The following PCDHGB2 variants were observed in gnomAD, a reference collection of about 807,000 sequenced individuals.
PCDHGB2 encodes the protein protocadherin gamma-B2.
PCDHGB2 carries 55 observed loss-of-function variants against 59.3 expected under a neutral mutation model. The observed-to-expected ratio is 0.93, with a 90% confidence interval of 0.75 to 1.16. The LOEUF is 1.16. PCDHGB2 is among the 50% of genes most tolerant of loss of function. The pLI is 0.00. For missense variants in PCDHGB2, 1,228 were observed against 1,198.5 expected, an observed-to-expected ratio of 1.02 and a Z score of -0.36; for synonymous variants, 516 against 512.0, an observed-to-expected ratio of 1.01 and a Z score of -0.11.
intron 1 of PCDHGB2, among the ~76,000 whole-genome samples, chr5:141,468,979 C>T (rs1394344696): frequency 6.7e-6 from 1 of 149,482 alleles, no homozygotes; most frequent in African/African-American, 2.5e-5. Flanking sequence ...CTTTTGACTT[C>T]CAAAATTATT....
Position 141,491,910 on chromosome 5 carries a change from G to A in PCDHGB2, c.2422-2897G>A, listed in dbSNP as rs946745903. 1.4e-5 allele frequency: 19 copies of A among 1,406,944 alleles called. No individual in the cohort carries two copies. The South Asian group carries it at 2.6e-4, about 19-fold the overall frequency. 87.2% of individuals were successfully genotyped at this position (1,406,944 alleles called of 1,614,324 possible). On this transcript the variant is annotated intron_variant, in intron 1 of 3. Transcript: ENST00000522605. This position sits in a 1 kb window ranked among gnomAD's most constrained non-coding sequence, Gnocchi z 6.9. ...GGCTCCGAGCACCGGGGGTGGTGGCGACTGTGGGCGAGGGGAGGTGGGACC... is the reference window on the plus strand; with the variant it reads ...GGCTCCGAGCACCGGGGGTGGTGGCAACTGTGGGCGAGGGGAGGTGGGACC...
At chr5:141,414,352 T>C in intron 1 of PCDHGB2, 8 of 1,613,968 alleles carry the variant, frequency 5.0e-6, no homozygotes, top group Non-Finnish European at 6.8e-6. Flanking sequence ...CATTTTGGCG[T>C]ATCTACCATT....
chr5:141,371,842 C>T (rs1768100584), intron 1 of PCDHGB2: 3 of 1,613,586 alleles, frequency 1.9e-6, no homozygotes, highest in African/African-American at 1.3e-5. Context: ...GACTTGGGAC[C>T]TAATGGCCTT....
At chr5:141,422,090 AGGCTTCTGAAATATTCCAATT>A (rs1561798894) in intron 1 of PCDHGB2, 11 of 1,611,852 alleles carry the variant, frequency 6.8e-6, no homozygotes, top group Non-Finnish European at 9.3e-6. Flanking sequence ...ATGGAAAGCA[AGGCTTCTGAAATATTCCAATT>A]GGATTCACAA....
rs2099706000 is a variant in PCDHGB2 at position 141,490,911 on chromosome 5, G to A, written c.2422-3896G>A. 1 of 1,613,722 alleles carries A rather than the reference G, an allele frequency of 6.2e-7. No individual in the cohort carries two copies. Among genetic ancestry groups the A allele is most frequent in the Non-Finnish European group, 8.5e-7 (1 of 1,179,746 alleles). Reference sequence around the variant, plus strand: ...CTCTGCATGTGTTTGTCCTAGACGAGAATGATAATGCCCCAGCTGTGCTGC... The same window carrying A: ...CTCTGCATGTGTTTGTCCTAGACGAAAATGATAATGCCCCAGCTGTGCTGC... On this transcript the variant is annotated intron_variant, in intron 1 of 3. Coordinates refer to ENST00000522605, the MANE Select transcript of PCDHGB2 (RefSeq NM_018923.3). This position sits in a 1 kb window ranked among gnomAD's most constrained non-coding sequence, Gnocchi z 5.4.
intron 1 of PCDHGB2, among the ~76,000 whole-genome samples, chr5:141,468,791 G>A (rs941787269): frequency 2.6e-5 from 4 of 151,954 alleles, no homozygotes; most frequent in East Asian, 3.9e-4. Context: ...GCGTGAACCC[G>A]GGAGGCGGAA....
intron 3 of PCDHGB2, among the ~76,000 whole-genome samples, chr5:141,508,579 G>A (rs569867127): frequency 6.6e-6 from 1 of 152,234 alleles, no homozygotes; most frequent in East Asian, 1.9e-4. Flanking sequence ...ACCCACTCGG[G>A]GTGCTACTCA....
intron 1 of PCDHGB2, among the ~76,000 whole-genome samples, chr5:141,447,303 C>G (rs1328783075): frequency 6.6e-6 from 1 of 151,990 alleles, no homozygotes; most frequent in Non-Finnish European, 1.5e-5. Context: ...CCACACCCGG[C>G]TAATTTTTGT....
chr5:141,380,968 A>T (rs1005346854), intron 1 of PCDHGB2, among the ~76,000 whole-genome samples: 1 of 152,270 alleles, frequency 6.6e-6, no homozygotes, highest in African/African-American at 2.4e-5. Flanking sequence ...AAGTACTATT[A>T]AACAAATAGA....
At position 141,499,673 on chromosome 5, in the gene PCDHGB2, C is replaced by A. The variant is rs1193484216; in HGVS notation, c.2480+4808C>A. Among the ~76,000 whole-genome samples the A allele has an allele frequency of 2.7e-5, 4 of 150,550 alleles. No individual in the cohort carries two copies. In the East Asian group the frequency reaches 7.8e-4, roughly 29 times the overall value. On this transcript the variant is annotated intron_variant, in intron 2 of 3. Transcript: ENST00000522605. ...CATATAATTTCATCTTGGTCTCCACCATCTTTAACAGATGACTTTTTTTTT... is the reference window on the plus strand; with the variant it reads ...CATATAATTTCATCTTGGTCTCCACAATCTTTAACAGATGACTTTTTTTTT...
chr5:141,482,530 C>CA (rs3074545), intron 1 of PCDHGB2, among the ~76,000 whole-genome samples: 3,839 of 76,186 alleles, frequency 0.05, 137 homozygotes, highest in East Asian at 0.1. Context: ...GACAGACATG[C>CA]AAAAAAAAAA....
Position 141,489,600 on chromosome 5 carries a change from G to A in PCDHGB2, c.2422-5207G>A, listed in dbSNP as rs1407225048. 8.1e-6 allele frequency: 13 copies of A among 1,614,034 alleles called. No homozygotes were observed. Among genetic ancestry groups the A allele is most frequent in the Non-Finnish European group, 1.1e-5 (13 of 1,179,962 alleles). ...ACCCCCTGGAGCTAATCCGTGTAGA[G>A]GTAGAGATCCTGGATCTCAATGACA... On this transcript the variant is annotated intron_variant, in intron 1 of 3. Transcript: ENST00000522605. This position sits in a 1 kb window ranked among gnomAD's most constrained non-coding sequence, Gnocchi z 4.5.
chr5:141,477,765 A>C lies in PCDHGB2; in HGVS notation c.2422-17042A>C, dbSNP rs752391870. The C allele has an allele frequency of 6.2e-7, 1 of 1,614,026 alleles. No individual in the cohort carries two copies. Among genetic ancestry groups the C allele is most frequent in the Non-Finnish European group, 8.5e-7 (1 of 1,180,036 alleles). Reference sequence around the variant, plus strand: ...GGGGGCACCCCGGTCCTAGCCACCAACATCAGCGTGAACATATTTGTCACT... The same window carrying C: ...GGGGGCACCCCGGTCCTAGCCACCACCATCAGCGTGAACATATTTGTCACT... On this transcript the variant is annotated intron_variant, in intron 1 of 3. Coordinates refer to ENST00000522605, the MANE Select transcript of PCDHGB2 (RefSeq NM_018923.3). The surrounding 1 kb of genome is among the most constrained non-coding windows in gnomAD (Gnocchi z 4.9).
Position 141,490,975 on chromosome 5 carries a change from C to T in PCDHGB2, c.2422-3832C>T. 1 of 1,614,056 alleles carries T rather than the reference C, an allele frequency of 6.2e-7. No individual in the cohort carries two copies. Among genetic ancestry groups the T allele is most frequent in the African/African-American group, 1.3e-5 (1 of 75,070 alleles). ...CTGGGAACACTCAGCCCCCCAGCGT[C>T]TCCCTCGCTCTGCTCCTCCTGGCTC... On this transcript the variant is annotated intron_variant, in intron 1 of 3. Coordinates refer to ENST00000522605, the MANE Select transcript of PCDHGB2 (RefSeq NM_018923.3). This position sits in a 1 kb window ranked among gnomAD's most constrained non-coding sequence, Gnocchi z 5.4.
At chr5:141,371,067 A>G (rs763857858) in intron 1 of PCDHGB2, 8 of 1,613,868 alleles carry the variant, frequency 5.0e-6, no homozygotes, top group Non-Finnish European at 6.8e-6. Flanking sequence ...CAGAAGCTGT[A>G]CCACCCAGAT....
In PCDHGB2 at chr5:141,490,745, C is replaced by T. The variant is rs769031787; in HGVS notation, c.2422-4062C>T. 22 of 1,614,120 alleles carry T rather than the reference C, an allele frequency of 1.4e-5. No individual in the cohort carries two copies. Among genetic ancestry groups the T allele is most frequent in the Non-Finnish European group, 1.9e-5 (22 of 1,180,050 alleles). On this transcript the variant is annotated intron_variant, in intron 1 of 3. Transcript: ENST00000522605. The surrounding 1 kb of genome is among the most constrained non-coding windows in gnomAD (Gnocchi z 5.4). Reference sequence around the variant, plus strand: ...GTAGGAAATCAGGTTCAGGGAGCCCCAGCCTCCTCCTTTGTGTATGTCAAC... The same window carrying T: ...GTAGGAAATCAGGTTCAGGGAGCCCTAGCCTCCTCCTTTGTGTATGTCAAC...
rs1300601208 is a variant in PCDHGB2 at position 141,499,206 on chromosome 5, AC to A, written c.2480+4344del. On this transcript the variant is annotated intron_variant, in intron 2 of 3. Transcript: ENST00000522605. ...ACCATTTCCCCCTTCTTAGGCTGTA[AC>A]CCAGGCCCTGCCCTGCAGCTGTCCC... Among the ~76,000 whole-genome samples the A allele has an allele frequency of 3.3e-5, 5 of 152,062 alleles. No homozygotes were observed. In the East Asian group the frequency reaches 7.7e-4, roughly 24 times the overall value.
chr5:141,418,284 T>A (rs766608852), intron 1 of PCDHGB2: 19 of 1,613,826 alleles, frequency 1.2e-5, no homozygotes, highest in Non-Finnish European at 1.4e-5. Flanking sequence ...AACTTAGAAA[T>A]CAGTGAATCC....
chr5:141,453,204 C>T (rs1345502837), intron 1 of PCDHGB2, among the ~76,000 whole-genome samples: 1 of 152,260 alleles, frequency 6.6e-6, no homozygotes, highest in East Asian at 1.9e-4. Flanking sequence ...GCCTCAACCT[C>T]GTGCACTTAA....
Sources: allele counts gnomAD v4.1 joint callset (sites outside exome capture counted in the v4.1 genomes callset), GRCh38; gene constraint gnomAD v4.1.1; non-coding constraint Gnocchi (gnomAD v3.1); transcripts MANE v1.5; gene names NCBI Gene and HGNC (gene_info 2026-07-23, HGNC 2026-07-21).